The following CAB39L variants were observed in gnomAD, a reference collection of about 807,000 sequenced individuals.
The protein encoded by CAB39L is calcium binding protein 39 like.
In CAB39L, 23 loss-of-function variants were observed where a neutral mutation model predicts 39.1. That is an observed-to-expected ratio of 0.59 (90% CI 0.42 to 0.83). The LOEUF (loss-of-function observed/expected upper bound fraction) is 0.83. Among genes scored for constraint, CAB39L ranks in the 40% least tolerant of loss-of-function variants. CAB39L has a pLI of 0.00. For synonymous variants in CAB39L, 126 were observed against 137.2 expected (o/e 0.92, Z 0.57); for missense variants, 366 against 391.9 (o/e 0.93, Z 0.56).
chr13:49,363,904 G>C (rs1387442127), intron 5 of CAB39L, among the ~76,000 whole-genome samples: 1 of 151,126 alleles, frequency 6.6e-6, no homozygotes, highest in Non-Finnish European at 1.5e-5. Flanking sequence ...CAAATGATCT[G>C]CTGCCTACAA....
intron 5 of CAB39L, among the ~76,000 whole-genome samples, chr13:49,368,190 G>A (rs899199264): frequency 3.3e-5 from 5 of 152,144 alleles, no homozygotes; most frequent in Non-Finnish European, 5.9e-5. Flanking sequence ...CATTCCAGTA[G>A]AAATGAAGCT....
At chr13:49,397,125 C>G (rs7994157) in intron 3 of CAB39L, among the ~76,000 whole-genome samples, 38,740 of 152,046 alleles carry the variant, frequency 0.25, 5,159 homozygotes, top group Middle Eastern at 0.32. Context: ...ATCTTCCAAT[C>G]AGTATCTTCT....
chr13:49,415,283 G>A (rs1377440747), intron 3 of CAB39L, among the ~76,000 whole-genome samples: 3 of 151,798 alleles, frequency 2.0e-5, no homozygotes, highest in African/African-American at 7.3e-5. Context: ...TTGGGAAGCT[G>A]AGGTGGGTGG....
chr13:49,410,027 C>A (rs988421024), intron 3 of CAB39L, among the ~76,000 whole-genome samples: 28 of 152,062 alleles, frequency 1.8e-4, no homozygotes, highest in African/African-American at 6.5e-4. Flanking sequence ...CACACAATTC[C>A]ACTTATATCT....
At chr13:49,347,835 TC>T (rs1472176949) in intron 7 of CAB39L, among the ~76,000 whole-genome samples, 6 of 152,098 alleles carry the variant, frequency 3.9e-5, no homozygotes, top group African/African-American at 1.4e-4. Flanking sequence ...AGCAGTCACT[TC>T]CAGGAGTCTG....
At chr13:49,388,047 T>C (rs1956403990) in intron 3 of CAB39L, among the ~76,000 whole-genome samples, 1 of 152,096 alleles carries the variant, frequency 6.6e-6, no homozygotes, top group African/African-American at 2.4e-5. Flanking sequence ...CACAGACACG[T>C]GCAAAATTTT....
intron 5 of CAB39L, among the ~76,000 whole-genome samples, chr13:49,364,903 T>A (rs1955732454): frequency 6.6e-6 from 1 of 152,164 alleles, no homozygotes; most frequent in African/African-American, 2.4e-5. Context: ...GCAATCCCTA[T>A]CAAAATACCA....
chr13:49,321,179 CCT>C (rs1262876877), intron 10 of CAB39L, among the ~76,000 whole-genome samples: 2 of 152,122 alleles, frequency 1.3e-5, no homozygotes, highest in Non-Finnish European at 2.9e-5. Context: ...AGAGATAACC[CCT>C]GTGAATATCT....
intron 9 of CAB39L, among the ~76,000 whole-genome samples, chr13:49,333,817 C>T (rs996820668): frequency 1.3e-5 from 2 of 151,884 alleles, no homozygotes; most frequent in African/African-American, 4.8e-5. Flanking sequence ...GGTGATCCAT[C>T]CGCCTCGGCC....
intron 5 of CAB39L, among the ~76,000 whole-genome samples, chr13:49,367,638 C>T (rs905057073): frequency 3.9e-5 from 6 of 152,018 alleles, no homozygotes; most frequent in Non-Finnish European, 7.4e-5. Flanking sequence ...GTTTATAGGC[C>T]GGGCACGGTG....
chr13:49,339,953 CTG>C (rs1954958580), intron 8 of CAB39L, among the ~76,000 whole-genome samples: 1 of 152,174 alleles, frequency 6.6e-6, no homozygotes, highest in African/African-American at 2.4e-5. Flanking sequence ...TAGATAAAAA[CTG>C]AGTAATTTTG....
Position 49,339,733 on chromosome 13 carries a change from C to T in CAB39L, c.634G>A (p.Asp212Asn), listed in dbSNP as rs776732990. 1 of 1,580,794 alleles carries T rather than the reference C, an allele frequency of 6.3e-7. No individual in the cohort carries two copies. Among genetic ancestry groups the T allele is most frequent in the Non-Finnish European group, 8.6e-7 (1 of 1,164,848 alleles). Residue 212 changes from aspartate to asparagine, a missense_variant, in exon 9 of 11, where the codon GAC (aspartate) becomes AAC (asparagine). Transcript: ENST00000409308. Reference protein sequence around the residue: ...LEQNYDTIFEDYEKLLQSENY... With the variant: ...LEQNYDTIFENYEKLLQSENY... The stretch of plus-strand genomic sequence containing the variant: ...TCAGACTGAAGCAATTTCTCATAGT[C>T]TTCAAAAATCTAATGAAAAGAAAAT...
chr13:49,329,524 T>C (rs1372122870), intron 10 of CAB39L, among the ~76,000 whole-genome samples: 4 of 90,814 alleles, frequency 4.4e-5, no homozygotes, highest in Non-Finnish European at 8.5e-5. Context: ...GTCCTACATA[T>C]CTCTTCAATT....
intron 3 of CAB39L, among the ~76,000 whole-genome samples, chr13:49,400,406 GTTTA>G (rs1956738030): frequency 6.6e-6 from 1 of 151,114 alleles, no homozygotes. Context: ...ATTTTTAAGA[GTTTA>G]TTTTTCTTTG....
intron 10 of CAB39L, among the ~76,000 whole-genome samples, chr13:49,329,517 C>A: frequency 8.3e-6 from 1 of 119,882 alleles, no homozygotes; most frequent in Non-Finnish European, 1.7e-5. Context: ...ATACCTTGTC[C>A]TACATATCTC....
chr13:49,316,058 C>A (rs1448772643), intron 10 of CAB39L, among the ~76,000 whole-genome samples: 1 of 151,732 alleles, frequency 6.6e-6, no homozygotes, highest in Non-Finnish European at 1.5e-5. Context: ...ATGACAGAAT[C>A]AATGAACCCA....
In CAB39L at chr13:49,382,859, C is replaced by T. The variant is rs756726155; in HGVS notation, c.52G>A (p.Val18Met). The T allele has an allele frequency of 1.2e-5, 19 of 1,611,608 alleles. No individual in the cohort carries two copies. The highest frequency in any genetic ancestry group is 3.3e-5 in the South Asian group (3 of 90,726). Reference sequence around the variant, plus strand: ...GCCAAATTGTCTTTCAGGATTTTCACAATTTCTGCTGGATTTTTGTGTGAT... The same window carrying T: ...GCCAAATTGTCTTTCAGGATTTTCATAATTTCTGCTGGATTTTTGTGTGAT... ...SKSHKNPAEIVKILKDNLAIL... is the reference protein window; with the variant it reads ...SKSHKNPAEIMKILKDNLAIL... The change falls in exon 4 of 11, where the codon GTG (valine) becomes ATG (methionine). Residue 18 changes from valine to methionine, a missense_variant. Val to Met is a conservative substitution (Grantham distance 21). Transcript: ENST00000409308.
At chr13:49,382,192 T>TA (rs1391372808) in intron 4 of CAB39L, among the ~76,000 whole-genome samples, 1 of 152,166 alleles carries the variant, frequency 6.6e-6, no homozygotes, top group African/African-American at 2.4e-5. Context: ...TTTTCTTCTA[T>TA]TTGGGCCAAG....
In CAB39L at chr13:49,346,100, G is replaced by GATATATATATAT. The variant is rs370368670; in HGVS notation, c.565-1874_565-1863dup. On this transcript the variant is annotated intron_variant, in intron 7 of 10. Transcript: ENST00000409308. ...GATATATATATATATATATATGCTAGATATATATATATATATATATATATC... is the reference window on the plus strand; with the variant it reads ...GATATATATATATATATATATGCTAGATATATATATATATATATATATATATATATATATATC... Among the ~76,000 whole-genome samples, 66 of 30,906 alleles carry GATATATATATAT rather than the reference G, an allele frequency of 2.1e-3. 3 individuals carry two copies. Among genetic ancestry groups the GATATATATATAT allele is most frequent in the South Asian group, 9.7e-3 (10 of 1,026 alleles). The allele number at this position is 30,906 out of a possible 152,430, so 20.3% of individuals were successfully genotyped here. A position where few individuals can be genotyped will look rare whatever the true frequency, so the allele number is the denominator to read the frequency against.
Sources: allele counts gnomAD v4.1 joint callset (sites outside exome capture counted in the v4.1 genomes callset), GRCh38; gene constraint gnomAD v4.1.1; transcripts MANE v1.5; gene names NCBI Gene and HGNC (gene_info 2026-07-23, HGNC 2026-07-21).